EFCAB6: variants seen among roughly 807,000 people sequenced by gnomAD.
EFCAB6 encodes the protein EF-hand calcium binding domain 6.
A neutral mutation model predicts 169.8 loss-of-function variants in EFCAB6; 156 were observed. That is an observed-to-expected ratio of 0.92 (90% CI 0.81 to 1.05). The LOEUF (loss-of-function observed/expected upper bound fraction) is 1.05, where lower values mean the gene tolerates loss of function less well. Among genes scored for constraint, EFCAB6 ranks in the 50% least tolerant of loss-of-function variants. The probability of loss-of-function intolerance (pLI) is 0.00; values close to 1 mark genes in which losing one functional copy is unlikely to be tolerated. For missense variants in EFCAB6, 1,800 were observed against 1,829.1 expected (o/e 0.98, Z 0.29); for synonymous variants, 698 against 676.4 (o/e 1.03, Z -0.50).
chr22:43,666,530 CT>C lies in EFCAB6; in HGVS notation c.1983+573del, dbSNP rs201608929. On this transcript the variant is annotated intron_variant, in intron 17 of 31. Coordinates refer to ENST00000262726, the MANE Select transcript of EFCAB6 (RefSeq NM_022785.4). Reference sequence around the variant, plus strand: ...CTTAAAAATAGCTGAGGATGATTAGCTAGAGGGATCGTAATACGAATTTTAA... The same window carrying C: ...CTTAAAAATAGCTGAGGATGATTAGCAGAGGGATCGTAATACGAATTTTAA... 5.6e-4 allele frequency among the ~76,000 whole-genome samples: 85 copies of C among 152,224 alleles called. 2 individuals are homozygous for C. The East Asian group carries it at 0.016, about 29-fold the overall frequency.
In EFCAB6 at chr22:43,540,413, G is replaced by T. The variant is rs565825227; in HGVS notation, c.3649-56C>A. 1.9e-6 allele frequency: 3 copies of T among 1,608,040 alleles called. No individual in the cohort carries two copies. In the East Asian group the frequency reaches 6.7e-5, roughly 36 times the overall value. ...TGTCAGTGCAAACACAGGCAGCGTCGCACCTGTGCCAGCGAGAAGTGGGAC... is the reference window on the plus strand; with the variant it reads ...TGTCAGTGCAAACACAGGCAGCGTCTCACCTGTGCCAGCGAGAAGTGGGAC... On this transcript the variant is annotated intron_variant, in intron 27 of 31. Transcript: ENST00000262726.
chr22:43,678,028 T>C lies in EFCAB6; in HGVS notation c.1387A>G (p.Met463Val). The C allele has an allele frequency of 6.2e-7, 1 of 1,614,000 alleles. No individual in the cohort carries two copies. The highest frequency in any genetic ancestry group is 8.5e-7 in the Non-Finnish European group (1 of 1,179,970). The change falls in exon 13 of 32, where the codon ATG (methionine) becomes GTG (valine). Residue 463 changes from methionine (M) to valine (V), a missense_variant. Coordinates refer to ENST00000262726, the MANE Select transcript of EFCAB6 (RefSeq NM_022785.4). ...TTCTCTTCAATCAGATCAATAAACA[T>C]GCTGGTGTTGACCACTCCAGTGTCC... ...PGDTGVVNTS[M>V]FIDLIEENCR... is the part of the protein sequence containing the mutation.
At chr22:43,673,100 AT>A (rs992564423) in intron 13 of EFCAB6, among the ~76,000 whole-genome samples, 8 of 152,184 alleles carry the variant, frequency 5.3e-5, no homozygotes, top group African/African-American at 1.9e-4. Flanking sequence ...TCTGGAAGGT[AT>A]TTTTGTCTCA....
chr22:43,713,370 T>G (rs1001399393), intron 9 of EFCAB6, among the ~76,000 whole-genome samples: 3 of 152,150 alleles, frequency 2.0e-5, no homozygotes, highest in African/African-American at 7.2e-5. Context: ...TAAACAAAAG[T>G]TATAAAATAT....
intron 27 of EFCAB6, among the ~76,000 whole-genome samples, chr22:43,549,727 T>C (rs1949022928): frequency 1.3e-5 from 2 of 152,102 alleles, no homozygotes; most frequent in Non-Finnish European, 2.9e-5. Context: ...CAAGACAGGA[T>C]GAGAAAAGAA....
rs574098414 is a variant in EFCAB6 at position 43,672,511 on chromosome 22, A to C, written c.1420-206T>G. 3.8e-4 allele frequency among the ~76,000 whole-genome samples: 58 copies of C among 152,328 alleles called. 1 individual carries two copies. In the South Asian group the frequency reaches 0.011, roughly 30 times the overall value. ...AACTTGAAATACTATGCAGACATAA[A>C]AAGAATGAGATCATGTCTTTTGCAG... is the stretch of plus-strand genomic sequence containing the variant. On this transcript the variant is annotated intron_variant, in intron 13 of 31. Transcript: ENST00000262726.
At position 43,684,114 on chromosome 22, in the gene EFCAB6, C is replaced by G. The variant is rs529350410; in HGVS notation, c.1143-259G>C. Among the ~76,000 whole-genome samples the G allele has an allele frequency of 2.8e-3, 432 of 152,282 alleles. 2 individuals are homozygous for G. Among genetic ancestry groups the G allele is most frequent in the Middle Eastern group, 0.027 (8 of 294 alleles). ...AGACCAACTCATCGGCCATCTTGCA[C>G]ACCTGTGGTTTTGGTCTCAAACAAG... On this transcript the variant is annotated intron_variant, in intron 11 of 31. Transcript: ENST00000262726.
At chr22:43,782,064 TAG>T in intron 3 of EFCAB6, 114 bp downstream of exon 3, 2 of 1,062,418 alleles carry the variant, frequency 1.9e-6, no homozygotes, top group Non-Finnish European at 1.3e-6. Context: ...GCCTAATTCA[TAG>T]AGTTATTGTG....
chr22:43,806,642 G>A (rs1399510940), intron 2 of EFCAB6, among the ~76,000 whole-genome samples: 1 of 152,144 alleles, frequency 6.6e-6, no homozygotes, highest in East Asian at 1.9e-4. Flanking sequence ...CTCCAGGCAT[G>A]CTACGTTCTT....
intron 25 of EFCAB6, 80 bp downstream of exon 25, chr22:43,580,384 G>A: frequency 6.8e-7 from 1 of 1,462,622 alleles, no homozygotes; most frequent in Non-Finnish European, 9.4e-7. Flanking sequence ...AGAGGTGGGA[G>A]GGGTTTCAGG....
intron 2 of EFCAB6, among the ~76,000 whole-genome samples, chr22:43,793,727 G>T (rs2062396208): frequency 6.8e-6 from 1 of 146,658 alleles, no homozygotes; most frequent in African/African-American, 2.5e-5. Flanking sequence ...TACCCATCTG[G>T]CTAGAGTGGG....
intron 17 of EFCAB6, among the ~76,000 whole-genome samples, chr22:43,664,175 G>A (rs577597833): frequency 6.6e-6 from 1 of 152,216 alleles, no homozygotes; most frequent in Non-Finnish European, 1.5e-5. Context: ...GGGCAGAGAA[G>A]AGCACAGGGG....
chr22:43,792,339 T>A (rs977120669), intron 2 of EFCAB6, among the ~76,000 whole-genome samples: 1 of 152,036 alleles, frequency 6.6e-6, no homozygotes, highest in East Asian at 1.9e-4. Flanking sequence ...AAAAGTTGGG[T>A]TTAATTTGGG....
chr22:43,802,530 C>CAA (rs34477562), intron 2 of EFCAB6: 3,604 of 298,772 alleles, frequency 0.012, 2 homozygotes, highest in South Asian at 0.021. Context: ...GACTCTATCT[C>CAA]AAAAAAAAAA....
intron 9 of EFCAB6, among the ~76,000 whole-genome samples, chr22:43,711,859 G>A (rs1162477137): frequency 6.6e-6 from 1 of 152,172 alleles, no homozygotes; most frequent in East Asian, 1.9e-4. Context: ...GGGAAAAACA[G>A]CACATAGAAT....
intron 2 of EFCAB6, among the ~76,000 whole-genome samples, chr22:43,796,332 G>A (rs1483963949): frequency 6.6e-6 from 1 of 152,024 alleles, no homozygotes; most frequent in Non-Finnish European, 1.5e-5. Context: ...TCCAAAAAAT[G>A]ATGAATGTTA....
At chr22:43,690,342 A>C (rs137966012) in intron 10 of EFCAB6, among the ~76,000 whole-genome samples, 41 of 114,444 alleles carry the variant, frequency 3.6e-4, no homozygotes, top group African/African-American at 1.5e-3. Context: ...TACTAAAAAT[A>C]CAAAAAAAAA....
chr22:43,786,759 A>G (rs2062094671), intron 2 of EFCAB6, among the ~76,000 whole-genome samples: 1 of 151,940 alleles, frequency 6.6e-6, no homozygotes, highest in Non-Finnish European at 1.5e-5. Context: ...AAGAAAAGAA[A>G]AAAAGCTAAA....
At chr22:43,689,169 G>C (rs554638979) in intron 10 of EFCAB6, among the ~76,000 whole-genome samples, 3 of 152,110 alleles carry the variant, frequency 2.0e-5, no homozygotes, top group Non-Finnish European at 4.4e-5. Flanking sequence ...TTGCAGGTGA[G>C]AGATGAGCTG....
Sources: allele counts gnomAD v4.1 joint callset (sites outside exome capture counted in the v4.1 genomes callset), GRCh38; gene constraint gnomAD v4.1.1; transcripts MANE v1.5; gene names NCBI Gene and HGNC (gene_info 2026-07-23, HGNC 2026-07-21).